MEIKIN: variants seen among roughly 807,000 people sequenced by gnomAD.
The protein encoded by MEIKIN is meiotic kinetochore factor.
chr5:131,858,754 T>A (rs1273594906), intron 9 of MEIKIN, among the ~76,000 whole-genome samples: 1 of 151,976 alleles, frequency 6.6e-6, no homozygotes, highest in South Asian at 2.1e-4. Context: ...ACAGCTCCAT[T>A]AAAAAGTGGG....
intron 9 of MEIKIN, among the ~76,000 whole-genome samples, chr5:131,864,598 C>G (rs1750351323): frequency 6.6e-6 from 1 of 152,184 alleles, no homozygotes; most frequent in Non-Finnish European, 1.5e-5. Flanking sequence ...TGCTGTTAGT[C>G]TAATGGGGTT....
At chr5:131,919,551 A>C (rs1032744986) in intron 6 of MEIKIN, among the ~76,000 whole-genome samples, 7 of 152,206 alleles carry the variant, frequency 4.6e-5, no homozygotes, top group Admixed American at 1.3e-4. Flanking sequence ...AGCTGTAAAA[A>C]ATAAAAGGAA....
chr5:131,940,945 G>A (rs1751859431), intron 4 of MEIKIN, among the ~76,000 whole-genome samples: 1 of 152,000 alleles, frequency 6.6e-6, no homozygotes, highest in South Asian at 2.1e-4. Context: ...TATCAACTCA[G>A]CCCCAACATT....
At chr5:131,844,553 C>T (rs1203069693) in intron 11 of MEIKIN, among the ~76,000 whole-genome samples, 2 of 151,974 alleles carry the variant, frequency 1.3e-5, no homozygotes, top group African/African-American at 4.8e-5. Context: ...GGGCGGAATA[C>T]CAGAGAGGAG....
intron 5 of MEIKIN, among the ~76,000 whole-genome samples, chr5:131,927,172 T>C (rs1056309133): frequency 1.4e-5 from 2 of 143,980 alleles, no homozygotes; most frequent in African/African-American, 2.5e-5. Flanking sequence ...CGTTTTAATA[T>C]ATTGTGCTTT....
intron 5 of MEIKIN, among the ~76,000 whole-genome samples, chr5:131,928,351 G>C (rs904787769): frequency 1.9e-4 from 29 of 152,062 alleles, no homozygotes; most frequent in African/African-American, 7.0e-4. Context: ...CTTTAGTGCT[G>C]CCTTTGTGTT....
At chr5:131,890,453 A>C (rs947015868) in intron 8 of MEIKIN, among the ~76,000 whole-genome samples, 5 of 152,140 alleles carry the variant, frequency 3.3e-5, no homozygotes, top group African/African-American at 1.2e-4. Context: ...TTATCCATTT[A>C]TGTGTCGAGG....
chr5:131,885,368 AGAGAGAGAGAGAGAG>A (rs1750770808), intron 8 of MEIKIN, among the ~76,000 whole-genome samples: 4 of 39,458 alleles, frequency 1.0e-4, no homozygotes, highest in African/African-American at 2.9e-4. Flanking sequence ...AGAGAGAGAG[AGAGAGAGAGAGAGAG>A]AGAGAGAGAG....
At chr5:131,940,687 T>C (rs1751853821) in intron 4 of MEIKIN, among the ~76,000 whole-genome samples, 1 of 152,128 alleles carries the variant, frequency 6.6e-6, no homozygotes, top group African/African-American at 2.4e-5. Context: ...TGAGACATTC[T>C]GGGAACCTGT....
At chr5:131,899,611 A>G (rs1463849434) in intron 8 of MEIKIN, among the ~76,000 whole-genome samples, 3 of 151,990 alleles carry the variant, frequency 2.0e-5, no homozygotes, top group Non-Finnish European at 4.4e-5. Flanking sequence ...ACCTATAAAG[A>G]CACACACAGA....
At chr5:131,808,506 A>G (rs1404326999) in intron 12 of MEIKIN, among the ~76,000 whole-genome samples, 1 of 152,196 alleles carries the variant, frequency 6.6e-6, no homozygotes, top group African/African-American at 2.4e-5. Context: ...AGCCCTGTCA[A>G]TTATACCAAT....
At chr5:131,879,233 CCTTAT>C (rs1179583650) in intron 8 of MEIKIN, among the ~76,000 whole-genome samples, 185 bp from the exon 9 acceptor site, 2 of 152,004 alleles carry the variant, frequency 1.3e-5, no homozygotes, top group South Asian at 2.1e-4. Flanking sequence ...ATAAAAACAT[CCTTAT>C]CTTAAGAGCT....
In MEIKIN at chr5:131,864,934, A is replaced by G. The variant is rs181891822; in HGVS notation, c.775-10100T>C. ...GTTAATTTTTTCTTTATTTTTGCCT[A>G]ACTGGGTTATGTCAAAAGAACTGTC... is the stretch of plus-strand genomic sequence containing the variant. On this transcript the variant is annotated intron_variant, in intron 9 of 12. Coordinates refer to ENST00000442687, the MANE Select transcript of MEIKIN (RefSeq NM_001303622.2). Among the ~76,000 whole-genome samples the G allele has an allele frequency of 3.9e-3, 598 of 152,288 alleles. 7 individuals carry two copies. The highest frequency in any genetic ancestry group is 0.018 in the South Asian group (88 of 4,828).
intron 8 of MEIKIN, among the ~76,000 whole-genome samples, chr5:131,884,310 G>A (rs939981351): frequency 6.6e-5 from 10 of 152,194 alleles, no homozygotes; most frequent in African/African-American, 2.4e-4. Context: ...GGAGAAGAGA[G>A]AAAAGACTAA....
chr5:131,917,010 AGTTC>A, intron 6 of MEIKIN, 85 bp from the exon 7 acceptor site: 1 of 388,804 alleles, frequency 2.6e-6, no homozygotes, highest in Non-Finnish European at 4.6e-6. Context: ...CCCCAAGTGC[AGTTC>A]ATTTTTATAA....
intron 11 of MEIKIN, among the ~76,000 whole-genome samples, chr5:131,836,002 T>A (rs930162302): frequency 6.6e-6 from 1 of 152,178 alleles, no homozygotes; most frequent in Admixed American, 6.5e-5. Context: ...CATCCAGGTA[T>A]TAGGCCTAGT....
At chr5:131,867,467 A>C (rs1320938018) in intron 9 of MEIKIN, among the ~76,000 whole-genome samples, 1 of 152,168 alleles carries the variant, frequency 6.6e-6, no homozygotes, top group Non-Finnish European at 1.5e-5. Context: ...AGATGTACCC[A>C]CCATTCTAAT....
At chr5:131,905,321 C>T (rs1260636715) in intron 8 of MEIKIN, among the ~76,000 whole-genome samples, 1 of 152,030 alleles carries the variant, frequency 6.6e-6, no homozygotes, top group African/African-American at 2.4e-5. Context: ...GTTTATAGCA[C>T]TAAAAGCTCA....
At chr5:131,849,690 G>T (rs1479033648) in intron 11 of MEIKIN, among the ~76,000 whole-genome samples, 10 of 150,616 alleles carry the variant, frequency 6.6e-5, no homozygotes, top group Non-Finnish European at 1.3e-4. Flanking sequence ...GAAAATGAAC[G>T]AATACAGCCA....
Sources: gnomAD v4.1 joint callset for allele counts (sites outside exome capture counted in the v4.1 genomes callset) on GRCh38, gnomAD v4.1.1 for gene constraint, MANE v1.5 for transcripts, NCBI Gene and HGNC (gene_info 2026-07-23, HGNC 2026-07-21) for gene names.